THRB: variants seen among roughly 807,000 people sequenced by gnomAD.
The protein encoded by THRB is nuclear receptor subfamily 1 group A member 2.
In THRB, 12 loss-of-function variants were observed where a neutral mutation model predicts 47.8. The observed-to-expected ratio is 0.25, with a 90% CI of 0.16 to 0.41. The LOEUF (loss-of-function observed/expected upper bound fraction) is 0.41, where lower values mean the gene tolerates loss of function less well. THRB is among the 10% of genes least tolerant of loss of function. The probability of loss-of-function intolerance (pLI) is 1.00; values close to 1 mark genes in which losing one functional copy is unlikely to be tolerated. For synonymous variants in THRB, 218 were observed against 212.2 expected (o/e 1.03, Z -0.24); for missense variants, 348 against 589.2 (o/e 0.59, Z 4.24).
chr3:24,216,335 G>T (rs1310102043), intron 4 of THRB, among the ~76,000 whole-genome samples: 1 of 152,158 alleles, frequency 6.6e-6, no homozygotes, highest in Non-Finnish European at 1.5e-5. Context: ...TTGCTGGCTG[G>T]GCGCAGTGGC....
At chr3:24,349,593 G>A (rs1354251846) in intron 1 of THRB, among the ~76,000 whole-genome samples, 1 of 152,098 alleles carries the variant, frequency 6.6e-6, no homozygotes, top group East Asian at 1.9e-4. Flanking sequence ...ATTGTGGTGA[G>A]AAAGGGCATT....
chr3:24,270,271 G>A lies in THRB; in HGVS notation c.-43+26955C>T, dbSNP rs140833604. Among the ~76,000 whole-genome samples the A allele has an allele frequency of 3.1e-4, 47 of 152,298 alleles. No individual in the cohort carries two copies. In the East Asian group the frequency reaches 8.9e-3, roughly 29 times the overall value. ...ACTTAACCAGGTTTACTACTGGACA[G>A]GGTGCAATTTTATTAATCTTTAAAC... On this transcript the variant is annotated intron_variant, in intron 3 of 10. Coordinates refer to ENST00000646209, the MANE Select transcript of THRB (RefSeq NM_001354712.2).
Position 24,411,638 on chromosome 3 carries a change from C to T in THRB, c.-260-74267G>A, listed in dbSNP as rs1306293921. Among the ~76,000 whole-genome samples the T allele has an allele frequency of 3.3e-5, 5 of 151,786 alleles. No homozygotes were observed. In the East Asian group the frequency reaches 9.8e-4, roughly 30 times the overall value. On this transcript the variant is annotated intron_variant, in intron 1 of 10. Coordinates refer to ENST00000646209, the MANE Select transcript of THRB (RefSeq NM_001354712.2). Reference sequence around the variant, plus strand: ...GCTGCCTGACTACTTTTATCTGAATCAATAACTCTCAGTGGGGACAGTTTT... The same window carrying T: ...GCTGCCTGACTACTTTTATCTGAATTAATAACTCTCAGTGGGGACAGTTTT...
chr3:24,249,879 AGTAAT>A (rs1339323359), intron 3 of THRB, among the ~76,000 whole-genome samples: 2 of 152,224 alleles, frequency 1.3e-5, no homozygotes, highest in African/African-American at 4.8e-5. Flanking sequence ...CCGGGGCAAA[AGTAAT>A]TGCTGTTTTT....
At chr3:24,314,370 A>G (rs1368007955) in intron 2 of THRB, among the ~76,000 whole-genome samples, 1 of 152,210 alleles carries the variant, frequency 6.6e-6, no homozygotes, top group African/African-American at 2.4e-5. Context: ...TCCTTAAATC[A>G]AGCCAAATCC....
intron 3 of THRB, among the ~76,000 whole-genome samples, chr3:24,253,235 C>T (rs1237550085): frequency 6.6e-6 from 1 of 152,016 alleles, no homozygotes; most frequent in Non-Finnish European, 1.5e-5. Flanking sequence ...TGTTGTATAT[C>T]TATAGAAAGG....
intron 1 of THRB, among the ~76,000 whole-genome samples, chr3:24,428,209 C>T (rs1411982753): frequency 6.6e-6 from 1 of 151,988 alleles, no homozygotes; most frequent in Non-Finnish European, 1.5e-5. Flanking sequence ...CATGCATTGT[C>T]CTCCTGCTGT....
At chr3:24,245,189 T>C (rs2049987194) in intron 3 of THRB, among the ~76,000 whole-genome samples, 1 of 152,224 alleles carries the variant, frequency 6.6e-6, no homozygotes, top group Admixed American at 6.5e-5. Context: ...GAATGAATGG[T>C]AAGTTTTCTG....
intron 1 of THRB, among the ~76,000 whole-genome samples, chr3:24,364,646 A>G (rs1029606795): frequency 2.8e-4 from 42 of 152,122 alleles, no homozygotes; most frequent in Non-Finnish European, 7.4e-5. Flanking sequence ...TTCATCATCC[A>G]TGTACAAACA....
chr3:24,265,091 C>T (rs1421796869), intron 3 of THRB, among the ~76,000 whole-genome samples: 3 of 152,070 alleles, frequency 2.0e-5, no homozygotes, highest in African/African-American at 7.2e-5. Context: ...AAGGGTTAGC[C>T]ATCAGTAGAC....
chr3:24,357,363 A>C lies in THRB; in HGVS notation c.-260-19992T>G, dbSNP rs1239600923. 5.8e-3 allele frequency among the ~76,000 whole-genome samples: 860 copies of C among 147,772 alleles called. 10 individuals are homozygous for C. The highest frequency in any genetic ancestry group is 0.019 in the African/African-American group (779 of 40,190). On this transcript the variant is annotated intron_variant, in intron 1 of 10. Transcript: ENST00000646209. ...GTCTCTCCCAAAAAAAAAAAAAAAA[A>C]AAAAAAAAAAACAAAAAACAAACAA... is the stretch of plus-strand genomic sequence containing the variant.
At chr3:24,339,423 C>A (rs932511712) in intron 1 of THRB, among the ~76,000 whole-genome samples, 1 of 152,108 alleles carries the variant, frequency 6.6e-6, no homozygotes, top group South Asian at 2.1e-4. Context: ...AAGAGTTAAG[C>A]ATTTTGCCCA....
intron 2 of THRB, among the ~76,000 whole-genome samples, chr3:24,300,949 G>A (rs1295040618): frequency 6.6e-6 from 1 of 152,110 alleles, no homozygotes; most frequent in African/African-American, 2.4e-5. Flanking sequence ...TATAATTAAG[G>A]ATCTCTACAT....
At chr3:24,475,616 G>C (rs1204383393) in intron 1 of THRB, among the ~76,000 whole-genome samples, 1 of 152,100 alleles carries the variant, frequency 6.6e-6, no homozygotes, top group Non-Finnish European at 1.5e-5. Flanking sequence ...GACTAGTTCT[G>C]GAACAATTAA....
chr3:24,439,626 A>G (rs147886081), intron 1 of THRB, among the ~76,000 whole-genome samples: 1 of 152,342 alleles, frequency 6.6e-6, no homozygotes, highest in African/African-American at 2.4e-5. Context: ...CTATTTGTAC[A>G]TCTCAAGGAG....
intron 1 of THRB, among the ~76,000 whole-genome samples, chr3:24,407,452 C>T (rs2067922465): frequency 6.6e-6 from 1 of 151,834 alleles, no homozygotes; most frequent in Non-Finnish European, 1.5e-5. Flanking sequence ...CCAGCTGACA[C>T]TGCACTTCTT....
intron 8 of THRB, among the ~76,000 whole-genome samples, chr3:24,138,135 C>T (rs73825924): frequency 0.17 from 26,185 of 151,930 alleles, 2,444 homozygotes; most frequent in African/African-American, 0.22. Flanking sequence ...GAGTAGGAAA[C>T]GCTGCCAGCT....
chr3:24,245,655 G>T (rs535834576), intron 3 of THRB, among the ~76,000 whole-genome samples: 1 of 152,286 alleles, frequency 6.6e-6, no homozygotes, highest in East Asian at 1.9e-4. Flanking sequence ...GCTCACACCT[G>T]TAATCCCAGC....
intron 1 of THRB, among the ~76,000 whole-genome samples, chr3:24,366,463 A>G (rs1193876055): frequency 6.6e-6 from 1 of 152,150 alleles, no homozygotes; most frequent in Non-Finnish European, 1.5e-5. Flanking sequence ...CTCTTCACTC[A>G]TGTCTTTGCC....
Sources: allele counts gnomAD v4.1 joint callset (sites outside exome capture counted in the v4.1 genomes callset), GRCh38; gene constraint gnomAD v4.1.1; transcripts MANE v1.5; gene names NCBI Gene and HGNC (gene_info 2026-07-23, HGNC 2026-07-21).